PEAK1: variants seen among roughly 807,000 people sequenced by gnomAD.
PEAK1 encodes inactive tyrosine-protein kinase PEAK1.
Under a neutral mutation model 124.7 loss-of-function variants are expected in PEAK1, and 54 were observed. The ratio of observed to expected loss-of-function variants is 0.43; its 90% CI spans 0.35 to 0.54. The LOEUF (loss-of-function observed/expected upper bound fraction) is 0.54, where lower values mean the gene tolerates loss of function less well. PEAK1 is among the 20% of genes least tolerant of loss of function. The pLI, the probability that PEAK1 is intolerant of heterozygous loss-of-function variation, is 0.01. For missense variants in PEAK1, 2,046 were observed against 2,134.5 expected (o/e 0.96, Z 0.82); for synonymous variants, 719 against 760.0 (o/e 0.95, Z 0.89).
intron 6 of PEAK1, among the ~76,000 whole-genome samples, chr15:77,227,946 T>TGATCA (rs929135074): frequency 6.6e-6 from 1 of 152,018 alleles, no homozygotes; most frequent in African/African-American, 2.4e-5. Context: ...CAGTGAGGTA[T>TGATCA]GATCACATCA....
intron 5 of PEAK1, among the ~76,000 whole-genome samples, chr15:77,268,281 C>G (rs2061845389): frequency 1.3e-5 from 2 of 152,150 alleles, no homozygotes. Context: ...TTGAGACCAG[C>G]CTGGCCAAGA....
In PEAK1 at chr15:77,112,207, CATTCTCCAA is replaced by C. The variant is rs1261280057; in HGVS notation, c.*1940_*1948del. ...ATATTGCTGGCCAGGGGATAAGGGA[CATTCTCCAA>C]ATAGAGCCTCACATATTACAATCAC... On this transcript the variant is annotated 3_prime_UTR_variant, in exon 10 of 10. Transcript: ENST00000682557. 2.6e-5 allele frequency: 4 copies of C among 152,310 alleles called. No homozygotes were observed. Among genetic ancestry groups the C allele is most frequent in the Non-Finnish European group, 4.4e-5 (3 of 68,030 alleles). The allele number at this position is 152,310 out of a possible 1,614,324, so 9.4% of individuals were successfully genotyped here.
chr15:77,208,415 CCT>C (rs1356865730), intron 6 of PEAK1, among the ~76,000 whole-genome samples: 1 of 152,120 alleles, frequency 6.6e-6, no homozygotes, highest in African/African-American at 2.4e-5. Context: ...ACATCCCATT[CCT>C]CTCTGTACTT....
At chr15:77,379,683 A>T (rs1282936038) in intron 1 of PEAK1, among the ~76,000 whole-genome samples, 1 of 152,126 alleles carries the variant, frequency 6.6e-6, no homozygotes, top group Non-Finnish European at 1.5e-5. Flanking sequence ...GGGACCCTTA[A>T]GAGGATTGGT....
At chr15:77,195,590 T>A (rs1185620496) in intron 6 of PEAK1, among the ~76,000 whole-genome samples, 1 of 152,216 alleles carries the variant, frequency 6.6e-6, no homozygotes, top group Admixed American at 6.5e-5. Context: ...TTGTTCTAAT[T>A]GACTTCAGGC....
At chr15:77,256,808 G>A (rs979918973) in intron 5 of PEAK1, among the ~76,000 whole-genome samples, 20 of 152,012 alleles carry the variant, frequency 1.3e-4, no homozygotes, top group African/African-American at 4.8e-4. Flanking sequence ...CATGTGCCAT[G>A]CTGGTGTGCT....
Position 77,203,686 on chromosome 15 carries a change from A to G in PEAK1, c.-114-21646T>C, listed in dbSNP as rs577992394. On this transcript the variant is annotated intron_variant, in intron 6 of 9. Coordinates refer to ENST00000682557, the MANE Select transcript of PEAK1 (RefSeq NM_001385026.1). The stretch of plus-strand genomic sequence containing the variant: ...GGAGAAAGCATAGCCTTTTTCACAA[A>G]TGGTACTGAAACAACTGGACATCCA... 2.6e-5 allele frequency among the ~76,000 whole-genome samples: 4 copies of G among 151,934 alleles called. No homozygotes were observed. In the East Asian group the frequency reaches 7.7e-4, roughly 29 times the overall value.
chr15:77,318,674 C>A (rs956868268), intron 2 of PEAK1, among the ~76,000 whole-genome samples: 2 of 151,596 alleles, frequency 1.3e-5, no homozygotes, highest in East Asian at 1.9e-4. Flanking sequence ...TAATGTATAA[C>A]TTATAAAATA....
intron 1 of PEAK1, among the ~76,000 whole-genome samples, chr15:77,374,547 G>A (rs2068865728): frequency 6.6e-6 from 1 of 152,062 alleles, no homozygotes; most frequent in Non-Finnish European, 1.5e-5. Context: ...TGTAGCTGAA[G>A]GAAGGATGAA....
chr15:77,375,649 A>C lies in PEAK1; in HGVS notation c.-665-10424T>G, dbSNP rs186301160. Reference sequence around the variant, plus strand: ...TGATCCAAATGATCAAAAATTAAGCACTTAGATCCACAAGTAAAAGGATTC... The same window carrying C: ...TGATCCAAATGATCAAAAATTAAGCCCTTAGATCCACAAGTAAAAGGATTC... On this transcript the variant is annotated intron_variant, in intron 1 of 9. Transcript: ENST00000682557. 2.0e-5 allele frequency among the ~76,000 whole-genome samples: 3 copies of C among 152,330 alleles called. No individual in the cohort carries two copies. The East Asian group carries it at 5.8e-4, about 29-fold the overall frequency.
At chr15:77,157,140 C>G (rs1234812856) in intron 8 of PEAK1, 2 of 152,146 alleles carry the variant, frequency 1.3e-5, no homozygotes, top group African/African-American at 2.4e-5. Flanking sequence ...TTCTTAGGGA[C>G]TCCTTTATTT....
At chr15:77,368,358 T>C (rs935691072) in intron 1 of PEAK1, among the ~76,000 whole-genome samples, 13 of 151,886 alleles carry the variant, frequency 8.6e-5, no homozygotes, top group African/African-American at 1.4e-4. Flanking sequence ...TCTACAAAAA[T>C]ACAAAAACAA....
At chr15:77,212,954 T>C (rs1156996161) in intron 6 of PEAK1, among the ~76,000 whole-genome samples, 1 of 152,160 alleles carries the variant, frequency 6.6e-6, no homozygotes, top group Non-Finnish European at 1.5e-5. Context: ...CAAAAGTGAA[T>C]TTTTCATTTA....
intron 5 of PEAK1, among the ~76,000 whole-genome samples, chr15:77,259,903 T>G (rs901226094): frequency 6.6e-6 from 1 of 152,190 alleles, no homozygotes; most frequent in Admixed American, 6.6e-5. Context: ...CTAGAATTTA[T>G]GGAGCAGAAT....
At chr15:77,329,932 A>C (rs2065799245) in intron 2 of PEAK1, among the ~76,000 whole-genome samples, 1 of 152,140 alleles carries the variant, frequency 6.6e-6, no homozygotes, top group African/African-American at 2.4e-5. Flanking sequence ...TAGTCAGTTA[A>C]CTAATATCTT....
At chr15:77,317,825 G>GT (rs1472018553) in intron 2 of PEAK1, among the ~76,000 whole-genome samples, 3 of 152,146 alleles carry the variant, frequency 2.0e-5, no homozygotes, top group Admixed American at 1.3e-4. Flanking sequence ...AAAGATATCT[G>GT]TAATTACTAA....
chr15:77,354,649 G>A (rs964230596), intron 2 of PEAK1, among the ~76,000 whole-genome samples: 1 of 152,118 alleles, frequency 6.6e-6, no homozygotes, highest in African/African-American at 2.4e-5. Context: ...TTATACTCAT[G>A]GTGGTTATGA....
chr15:77,348,982 T>C, intron 2 of PEAK1: 4 of 936,534 alleles, frequency 4.3e-6, no homozygotes, highest in Non-Finnish European at 5.1e-6. Context: ...TTCTTACTTA[T>C]AATTTAACTA....
At chr15:77,374,189 G>A (rs1482750675) in intron 1 of PEAK1, among the ~76,000 whole-genome samples, 3 of 152,140 alleles carry the variant, frequency 2.0e-5, no homozygotes, top group Middle Eastern at 3.2e-3. Flanking sequence ...TAAAGGAGGA[G>A]CACAGTGATT....
Sources: allele counts gnomAD v4.1 joint callset (sites outside exome capture counted in the v4.1 genomes callset), GRCh38; gene constraint gnomAD v4.1.1; transcripts MANE v1.5; gene names NCBI Gene and HGNC (gene_info 2026-07-23, HGNC 2026-07-21).